Variants in MAPKAP1 observed in about 807,000 individuals in gnomAD.
MAPKAP1 encodes MAPK associated protein 1.
Under a neutral mutation model 65.7 loss-of-function variants are expected in MAPKAP1, and 20 were observed. The ratio of observed to expected loss-of-function variants is 0.30; its 90% CI spans 0.21 to 0.44. The LOEUF is 0.44. Ranked by LOEUF, MAPKAP1 falls within the 20% of genes least tolerant of loss-of-function variation. The probability of loss-of-function intolerance (pLI) is 1.00; values close to 1 mark genes in which losing one functional copy is unlikely to be tolerated. For synonymous variants in MAPKAP1, 222 were observed against 244.3 expected, an observed-to-expected ratio of 0.91 and a Z score of 0.85; for missense variants, 423 against 648.0, an observed-to-expected ratio of 0.65 and a Z score of 3.77.
intron 10 of MAPKAP1, among the ~76,000 whole-genome samples, chr9:125,448,779 T>C (rs1418684163): frequency 2.6e-5 from 4 of 152,106 alleles, no homozygotes; most frequent in African/African-American, 9.7e-5. Context: ...CCAAGGTGGA[T>C]GGATCACCCG....
At chr9:125,498,452 T>C (rs1342648746) in intron 8 of MAPKAP1, among the ~76,000 whole-genome samples, 1 of 152,174 alleles carries the variant, frequency 6.6e-6, no homozygotes, top group East Asian at 1.9e-4. Flanking sequence ...AGGGTAGCCA[T>C]GAAAATTGAA....
chr9:125,485,056 T>A (rs1397253812), intron 8 of MAPKAP1, among the ~76,000 whole-genome samples: 6 of 152,214 alleles, frequency 3.9e-5, no homozygotes, highest in Admixed American at 1.3e-4. Flanking sequence ...CATGTGGGAT[T>A]TCACTCGTTC....
intron 1 of MAPKAP1, among the ~76,000 whole-genome samples, chr9:125,693,177 C>T (rs1390611597): frequency 1.3e-5 from 2 of 152,172 alleles, no homozygotes; most frequent in Non-Finnish European, 2.9e-5. Context: ...CTTTGGGAGG[C>T]CGAGGCAGGC....
intron 10 of MAPKAP1, among the ~76,000 whole-genome samples, chr9:125,465,265 A>G (rs1322374258): frequency 6.6e-6 from 1 of 152,264 alleles, no homozygotes; most frequent in African/African-American, 2.4e-5. Context: ...AGCTACAAAC[A>G]TACATCACTA....
At chr9:125,577,907 G>A (rs1010060560) in intron 5 of MAPKAP1, among the ~76,000 whole-genome samples, 2 of 151,630 alleles carry the variant, frequency 1.3e-5, no homozygotes, top group African/African-American at 2.4e-5. Context: ...CCCTCTGCCC[G>A]GCCACCACCC....
chr9:125,505,725 C>G (rs977412987), intron 8 of MAPKAP1, among the ~76,000 whole-genome samples: 2 of 152,124 alleles, frequency 1.3e-5, no homozygotes, highest in East Asian at 1.9e-4. Flanking sequence ...GTAAAAGCCT[C>G]GAAGCAGGAA....
chr9:125,653,258 T>A (rs1463338979), intron 4 of MAPKAP1, among the ~76,000 whole-genome samples: 1 of 152,208 alleles, frequency 6.6e-6, no homozygotes, highest in African/African-American at 2.4e-5. Flanking sequence ...GCACACAAAT[T>A]TATTTAACCG....
At chr9:125,592,819 C>G (rs554097042) in intron 4 of MAPKAP1, among the ~76,000 whole-genome samples, 1 of 147,568 alleles carries the variant, frequency 6.8e-6, no homozygotes, top group African/African-American at 2.5e-5. Flanking sequence ...AGGAGAATGG[C>G]GTGAACCCTG....
chr9:125,497,570 T>C lies in MAPKAP1; in HGVS notation c.1066+8740A>G, dbSNP rs146604383. Among the ~76,000 whole-genome samples the C allele has an allele frequency of 1.8e-3, 277 of 152,360 alleles. 1 individual carries two copies. Among genetic ancestry groups the C allele is most frequent in the Middle Eastern group, 3.4e-3 (1 of 294 alleles). On this transcript the variant is annotated intron_variant, in intron 8 of 11. Transcript: ENST00000265960. ...AATGTTGTTATAATAAGAGCACTTA[T>C]ATCTCATTCAATTCTCACCAAATCC...
intron 7 of MAPKAP1, among the ~76,000 whole-genome samples, chr9:125,513,679 A>T (rs1829375243): frequency 6.6e-6 from 1 of 152,228 alleles, no homozygotes; most frequent in Admixed American, 6.5e-5. Context: ...AGCTGCTATT[A>T]TTGCAAATAC....
At chr9:125,488,754 T>C (rs565953860) in intron 8 of MAPKAP1, among the ~76,000 whole-genome samples, 81 of 152,296 alleles carry the variant, frequency 5.3e-4, no homozygotes, top group Non-Finnish European at 8.8e-4. Flanking sequence ...AGCAGTATGC[T>C]AGACGGTGGG....
chr9:125,690,843 G>A (rs7022746), intron 1 of MAPKAP1, among the ~76,000 whole-genome samples: 4,051 of 152,310 alleles, frequency 0.027, 184 homozygotes, highest in African/African-American at 0.093. Flanking sequence ...GCATTACAGA[G>A]AGACTTCCTC....
At chr9:125,590,294 G>C (rs1831916920) in intron 4 of MAPKAP1, among the ~76,000 whole-genome samples, 1 of 152,140 alleles carries the variant, frequency 6.6e-6, no homozygotes, top group African/African-American at 2.4e-5. Context: ...CTTACTACAA[G>C]GTCACATGAG....
intron 1 of MAPKAP1, among the ~76,000 whole-genome samples, chr9:125,704,132 G>A (rs1428232524): frequency 4.6e-5 from 7 of 152,134 alleles, no homozygotes; most frequent in Admixed American, 4.6e-4. Context: ...CTTTCCAGAG[G>A]GTCCGCATCC....
Position 125,696,669 on chromosome 9 carries a change from A to C in MAPKAP1, c.-70+10302T>G, listed in dbSNP as rs111250340. ...CAGAAGCAGCCAACAAACTTATGTA[A>C]CTGAGGACTTTCCAATGGTAGTGAT... On this transcript the variant is annotated intron_variant, in intron 1 of 11. Transcript: ENST00000265960. Among the ~76,000 whole-genome samples, 939 of 152,202 alleles carry C rather than the reference A, an allele frequency of 6.2e-3. 5 individuals carry two copies. The highest frequency in any genetic ancestry group is 0.02 in the Middle Eastern group (6 of 294).
chr9:125,504,247 A>C (rs979183732), intron 8 of MAPKAP1, among the ~76,000 whole-genome samples: 9 of 152,186 alleles, frequency 5.9e-5, no homozygotes, highest in Non-Finnish European at 1.2e-4. Flanking sequence ...AATGTTGATA[A>C]GGATAAATAT....
rs756247676 is a variant in MAPKAP1, at chr9:125,506,388, C to G, written c.988G>C (p.Glu330Gln). ...TCCAGGTCAACGGCGACATTGGGCTCGCTCTGCTTCTCCAGGCGGTACTGA... is the reference window on the plus strand; with the variant it reads ...TCCAGGTCAACGGCGACATTGGGCTGGCTCTGCTTCTCCAGGCGGTACTGA... ...GPQYRLEKQSEPNVAVDLDST... is the reference protein window; with the variant it reads ...GPQYRLEKQSQPNVAVDLDST... The change falls in exon 8 of 12, where the codon GAG becomes CAG. Residue 330 changes from glutamate (E) to glutamine (Q), a missense_variant. Physicochemically the swap from Glu to Gln is conservative, Grantham distance 29. Transcript: ENST00000265960. 5 of 1,614,130 alleles carry G rather than the reference C, an allele frequency of 3.1e-6. No homozygotes were observed. In the South Asian group the frequency reaches 5.5e-5, roughly 18 times the overall value.
intron 1 of MAPKAP1, among the ~76,000 whole-genome samples, chr9:125,704,657 G>A (rs1835705094): frequency 6.6e-6 from 1 of 152,134 alleles, no homozygotes; most frequent in African/African-American, 2.4e-5. Flanking sequence ...TCCCTTGCCT[G>A]GTACTCAAGC....
chr9:125,547,534 A>G (rs985217918), intron 6 of MAPKAP1, among the ~76,000 whole-genome samples: 6 of 152,316 alleles, frequency 3.9e-5, no homozygotes, highest in African/African-American at 1.4e-4. Flanking sequence ...TATGGCTGGC[A>G]AACAGTAAAG....
Sources: gnomAD v4.1 joint callset for allele counts (sites outside exome capture counted in the v4.1 genomes callset) on GRCh38, gnomAD v4.1.1 for gene constraint, MANE v1.5 for transcripts, NCBI Gene and HGNC (gene_info 2026-07-23, HGNC 2026-07-21) for gene names.